RFWD3: variants seen among roughly 807,000 people sequenced by gnomAD.
The protein encoded by RFWD3 is ring finger and WD repeat domain 3.
RFWD3 carries 65 observed loss-of-function variants against 87.7 expected under a neutral mutation model. The observed-to-expected ratio is 0.74, with a 90% CI of 0.61 to 0.91. RFWD3 has a LOEUF of 0.91. Among genes scored for constraint, RFWD3 ranks in the 40% least tolerant of loss-of-function variants. The pLI is 0.00. For missense variants in RFWD3, 1,078 were observed against 938.5 expected (o/e 1.15, Z -1.94); for synonymous variants, 433 against 352.8 (o/e 1.23, Z -2.55).
Position 74,623,875 on chromosome 16 carries a change from G to A in RFWD3, c.*53C>T, listed in dbSNP as rs751540083. The A allele has an allele frequency of 2.7e-5, 42 of 1,578,648 alleles. No homozygotes were observed. In the Admixed American group the frequency reaches 4.6e-4, roughly 17 times the overall value. On this transcript the variant is annotated 3_prime_UTR_variant, in exon 13 of 13. Coordinates refer to ENST00000361070, the MANE Select transcript of RFWD3 (RefSeq NM_018124.4). ...GGGATCTTGCTTGGGGCTGCTAGGCGCTAGCAAACAACATCTAACCAGCAG... is the reference window on the plus strand; with the variant it reads ...GGGATCTTGCTTGGGGCTGCTAGGCACTAGCAAACAACATCTAACCAGCAG...
chr16:74,626,210 A>G, intron 12 of RFWD3, 133 bp downstream of exon 12: 5 of 743,344 alleles, frequency 6.7e-6, no homozygotes, highest in Non-Finnish European at 1.2e-5. Flanking sequence ...ACATATGCGG[A>G]TATGTGGGAT....
At chr16:74,660,843 G>T (rs1961369352) in intron 2 of RFWD3, 89 bp downstream of exon 2, 2 of 1,458,074 alleles carry the variant, frequency 1.4e-6, no homozygotes, top group African/African-American at 1.4e-5. Context: ...CTTGCCAAAA[G>T]TCACACTGTC....
intron 10 of RFWD3, 21 bp downstream of exon 10, chr16:74,630,758 GAA>G (rs1959069323): frequency 4.5e-6 from 7 of 1,565,418 alleles, no homozygotes; most frequent in Non-Finnish European, 6.1e-6. Context: ...CTACCACCAG[GAA>G]AAGAGTGAGT....
At chr16:74,665,756 C>CT (rs916185187) in intron 1 of RFWD3, among the ~76,000 whole-genome samples, 30 of 147,370 alleles carry the variant, frequency 2.0e-4, no homozygotes, top group Admixed American at 8.7e-4. Flanking sequence ...TTCTTTCTTT[C>CT]TTTTTTTGAG....
At chr16:74,664,252 A>C (rs983863226) in intron 1 of RFWD3, 17 of 152,144 alleles carry the variant, frequency 1.1e-4, no homozygotes, top group African/African-American at 4.1e-4. Flanking sequence ...CAGCTGCCTA[A>C]CTAAAAGCTT....
intron 2 of RFWD3, among the ~76,000 whole-genome samples, chr16:74,653,077 G>A (rs575128438): frequency 1.8e-4 from 27 of 152,288 alleles, no homozygotes; most frequent in African/African-American, 6.5e-4. Context: ...GATGACTCAT[G>A]TCTGTAATCC....
At chr16:74,639,612 T>C (rs372266012) in intron 6 of RFWD3, among the ~76,000 whole-genome samples, 2 of 152,230 alleles carry the variant, frequency 1.3e-5, no homozygotes, top group African/African-American at 4.8e-5. Flanking sequence ...AGTTACCCTA[T>C]AATAATTTTT....
intron 6 of RFWD3, among the ~76,000 whole-genome samples, chr16:74,638,223 G>C (rs1015470238): frequency 1.3e-5 from 2 of 152,130 alleles, no homozygotes; most frequent in Non-Finnish European, 2.9e-5. Context: ...AGAGAACAGA[G>C]CTAATCTAGT....
chr16:74,649,962 C>G (rs953336201), intron 3 of RFWD3, among the ~76,000 whole-genome samples: 25 of 152,256 alleles, frequency 1.6e-4, no homozygotes, highest in Admixed American at 1.1e-3. Context: ...CACCATAACC[C>G]AATTTAAAAT....
chr16:74,624,021 C>A lies in RFWD3; in HGVS notation c.2232G>T (p.Gln744His). The stretch of plus-strand genomic sequence containing the variant: ...CAAATGGGCAGATGTCCAACACAGG[C>A]TGATCGGTCTGTAGGTCCTGGAGCA... ...GSLLQDLQTDQPVLDICPFEV... is the reference protein window; with the variant it reads ...GSLLQDLQTDHPVLDICPFEV... The change falls in exon 13 of 13, where the codon CAG becomes CAT. Residue 744 changes from glutamine to histidine, a missense_variant. By Grantham distance (24) the Gln-to-His change is conservative. Coordinates refer to ENST00000361070, the MANE Select transcript of RFWD3 (RefSeq NM_018124.4). 6.2e-7 allele frequency: 1 copy of A among 1,614,080 alleles called. No individual in the cohort carries two copies. The highest frequency in any genetic ancestry group is 8.5e-7 in the Non-Finnish European group (1 of 1,180,006).
chr16:74,666,224 T>TAGATA (rs1567591886), intron 1 of RFWD3: 19 of 148,550 alleles, frequency 1.3e-4, no homozygotes, highest in African/African-American at 3.8e-4. Context: ...ATAGATAGAT[T>TAGATA]GATTAGATAC....
chr16:74,643,987 T>C (rs117107958), intron 6 of RFWD3: 1 of 280,390 alleles, frequency 3.6e-6, no homozygotes, highest in East Asian at 8.2e-5. Flanking sequence ...CTAGCAACTG[T>C]TTTGTGCTTC....
chr16:74,660,107 G>A (rs1258639050), intron 2 of RFWD3, among the ~76,000 whole-genome samples: 1 of 152,000 alleles, frequency 6.6e-6, no homozygotes, highest in Non-Finnish European at 1.5e-5. Flanking sequence ...GGATTTCGTC[G>A]AAGCTTCCTC....
chr16:74,665,630 G>A (rs1016465911), intron 1 of RFWD3, among the ~76,000 whole-genome samples: 12 of 152,086 alleles, frequency 7.9e-5, no homozygotes, highest in African/African-American at 2.7e-4. Flanking sequence ...GTGGTGGCGC[G>A]CACCTGTGGT....
chr16:74,655,625 TCTCTTTTTTTTTGAGATGGAGTCTCG>T (rs1452374320), intron 2 of RFWD3, among the ~76,000 whole-genome samples: 2 of 150,276 alleles, frequency 1.3e-5, no homozygotes, highest in Non-Finnish European at 3.0e-5. Context: ...CTGTGCTCTC[TCTCTTTTTTTTTGAGATGGAGTCTCG>T]CTCTGTCACC....
chr16:74,653,460 G>A (rs1401673893), intron 2 of RFWD3, among the ~76,000 whole-genome samples: 1 of 151,464 alleles, frequency 6.6e-6, no homozygotes, highest in Non-Finnish European at 1.5e-5. Context: ...CTGCACTCCA[G>A]CCTAGGTGGC....
chr16:74,650,352 G>T (rs887994457), intron 3 of RFWD3, among the ~76,000 whole-genome samples: 116 of 148,102 alleles, frequency 7.8e-4, no homozygotes, highest in African/African-American at 2.7e-3. Context: ...TAGATTCAGG[G>T]CTTTTTTTTT....
chr16:74,628,391 C>T (rs1283429297), intron 11 of RFWD3, 61 bp downstream of exon 11: 1 of 1,519,456 alleles, frequency 6.6e-7, no homozygotes, highest in Non-Finnish European at 9.1e-7. Context: ...TCAAACCCTC[C>T]TTCCCTTTTC....
At chr16:74,647,035 C>T (rs914545747) in intron 4 of RFWD3, among the ~76,000 whole-genome samples, 24 of 151,066 alleles carry the variant, frequency 1.6e-4, no homozygotes, top group African/African-American at 9.7e-5. Flanking sequence ...TGCAGTGAGC[C>T]GAGATCATGC....
Sources: allele counts gnomAD v4.1 joint callset (sites outside exome capture counted in the v4.1 genomes callset), GRCh38; gene constraint gnomAD v4.1.1; transcripts MANE v1.5; gene names NCBI Gene and HGNC (gene_info 2026-07-23, HGNC 2026-07-21).